The following BDNF variants were observed in gnomAD, a reference collection of about 807,000 sequenced individuals.
BDNF encodes brain derived neurotrophic factor.
A neutral mutation model predicts 19.5 loss-of-function variants in BDNF; 1 was observed. That is an observed-to-expected ratio of 0.05 (90% CI 0.02 to 0.24). BDNF has a LOEUF of 0.24. Ranked by LOEUF, BDNF falls within the 10% of genes least tolerant of loss-of-function variation. The pLI is 1.00. For synonymous variants in BDNF, 100 were observed against 121.6 expected, an observed-to-expected ratio of 0.82 and a Z score of 1.17; for missense variants, 195 against 317.6, an observed-to-expected ratio of 0.61 and a Z score of 2.93.
At chr11:27,694,917 G>T (rs1858807805) in intron 1 of BDNF, among the ~76,000 whole-genome samples, 2 of 152,282 alleles carry the variant, frequency 1.3e-5, no homozygotes, top group South Asian at 4.1e-4. Context: ...ACATATCCAT[G>T]AAAATAATAA....
At chr11:27,659,654 CGCGCGTGT>C (rs1315355797) in intron 1 of BDNF, 15 of 744,500 alleles carry the variant, frequency 2.0e-5, no homozygotes, top group Non-Finnish European at 2.1e-5. Flanking sequence ...TGTGTGCGCG[CGCGCGTGT>C]GCGCGCGCTC....
chr11:27,674,655 T>G, intron 1 of BDNF: 1 of 985,418 alleles, frequency 1.0e-6, no homozygotes, highest in African/African-American at 1.7e-5. Context: ...TGCACCTATA[T>G]GGAAACATTC....
chr11:27,667,207 A>G (rs369728695), intron 1 of BDNF, among the ~76,000 whole-genome samples: 1 of 152,234 alleles, frequency 6.6e-6, no homozygotes, highest in East Asian at 1.9e-4. Context: ...CTTTACAGAC[A>G]AGCAAATGCT....
intron 1 of BDNF, among the ~76,000 whole-genome samples, chr11:27,713,449 C>T (rs1733884910): frequency 6.6e-6 from 1 of 152,206 alleles, no homozygotes; most frequent in African/African-American, 2.4e-5. Flanking sequence ...CACTGCAATG[C>T]CCTATCCCAA....
At chr11:27,674,965 T>G (rs1290693651) in intron 1 of BDNF, 1 of 869,756 alleles carries the variant, frequency 1.1e-6, no homozygotes, top group East Asian at 1.2e-4. Context: ...GTAAATAATT[T>G]GATTATCCAC....
chr11:27,690,197 CAT>C (rs1417473000), intron 1 of BDNF, among the ~76,000 whole-genome samples: 1 of 152,126 alleles, frequency 6.6e-6, no homozygotes, highest in African/African-American at 2.4e-5. Flanking sequence ...AAAAAATTCA[CAT>C]GTTTAAAGAA....
In BDNF at chr11:27,708,084, T is replaced by C. The variant is rs185921279; in HGVS notation, c.3+13328A>G. On this transcript the variant is annotated intron_variant, in intron 1 of 1. Transcript: ENST00000314915. ...AAAATGTTTAATATTGAGGATCTTT[T>C]ATTTCATAGGCATGTTTTCCTGAAG... 9.2e-5 allele frequency among the ~76,000 whole-genome samples: 14 copies of C among 152,346 alleles called. No individual in the cohort carries two copies. The East Asian group carries it at 2.7e-3, about 29-fold the overall frequency.
chr11:27,700,887 T>G, upstream of BDNF: 1 of 1,299,112 alleles, frequency 7.7e-7, no homozygotes, highest in Admixed American at 2.3e-5. Context: ...CTCGCTCCCC[T>G]AGCTTTCAAC....
chr11:27,686,469 G>A lies in BDNF; in HGVS notation c.-22+13695C>T, dbSNP rs542593915. ...TGTTAGCTGGTTATTTTGCCCATTA[G>A]TTGATGCAGTTTCTTCATAGTTTCA... On this transcript the variant is annotated intron_variant, in intron 1 of 1. Coordinates refer to ENST00000356660, the MANE Select transcript of BDNF (RefSeq NM_001709.5). 2.0e-5 allele frequency among the ~76,000 whole-genome samples: 3 copies of A among 152,274 alleles called. No homozygotes were observed. In the East Asian group the frequency reaches 5.8e-4, roughly 29 times the overall value.
intron 1 of BDNF, among the ~76,000 whole-genome samples, chr11:27,696,004 T>C (rs1440607091): frequency 2.0e-5 from 3 of 151,780 alleles, no homozygotes; most frequent in Non-Finnish European, 4.4e-5. Flanking sequence ...CATTTACCAC[T>C]CCCCCTCCTC....
intron 1 of BDNF, among the ~76,000 whole-genome samples, chr11:27,682,489 A>T (rs926264101): frequency 6.6e-5 from 10 of 151,818 alleles, no homozygotes; most frequent in African/African-American, 2.4e-4. Flanking sequence ...TACAGATGCC[A>T]TGGTGGTTTG....
At chr11:27,702,411 T>C (rs904434940), upstream of BDNF, among the ~76,000 whole-genome samples, 8 of 152,094 alleles carry the variant, frequency 5.3e-5, no homozygotes, top group Non-Finnish European at 8.8e-5. Context: ...CTCTTGGGGG[T>C]ACAACACTGG....
chr11:27,701,914 G>C (rs1014074935), upstream of BDNF, among the ~76,000 whole-genome samples: 2 of 152,090 alleles, frequency 1.3e-5, no homozygotes, highest in African/African-American at 4.8e-5. Flanking sequence ...ACCAGAGTGG[G>C]GGTAGGTGAT....
At chr11:27,719,551 C>A (rs962667026) in intron 1 of BDNF, 5 of 984,926 alleles carry the variant, frequency 5.1e-6, no homozygotes, top group Non-Finnish European at 6.0e-6. Flanking sequence ...GGGAGCGGAG[C>A]GCGGTCTCGG....
intron 1 of BDNF, chr11:27,699,718 C>T (rs1013186621): frequency 1.5e-6 from 2 of 1,375,000 alleles, no homozygotes; most frequent in Non-Finnish European, 1.9e-6. Context: ...CCCTCCCACT[C>T]CCCCCGCAAG....
At chr11:27,717,860 A>AGT (rs56730757) in intron 1 of BDNF, among the ~76,000 whole-genome samples, 7,956 of 147,506 alleles carry the variant, frequency 0.054, 242 homozygotes, top group African/African-American at 0.091. Context: ...TTACAAGTTG[A>AGT]GTGTGTGTGT....
Position 27,658,804 on chromosome 11 carries a change from G to A in BDNF, c.-21-219C>T. The A allele has an allele frequency of 7.0e-7, 1 of 1,429,842 alleles. No homozygotes were observed. Among genetic ancestry groups the A allele is most frequent in the Non-Finnish European group, 9.2e-7 (1 of 1,089,278 alleles). 88.6% of individuals were successfully genotyped at this position (1,429,842 alleles called of 1,614,324 possible). ...CAGAGACATGCAGTGTTTCCCCCAAGATCTAGCATATAAACCTGAGATTAG... is the reference window on the plus strand; with the variant it reads ...CAGAGACATGCAGTGTTTCCCCCAAAATCTAGCATATAAACCTGAGATTAG... On this transcript the variant is annotated intron_variant, in intron 1 of 1. Coordinates refer to ENST00000356660, the MANE Select transcript of BDNF (RefSeq NM_001709.5). This position sits in a 1 kb window ranked among gnomAD's most constrained non-coding sequence, Gnocchi z 5.7.
upstream of BDNF, among the ~76,000 whole-genome samples, chr11:27,703,521 C>CT (rs1197707068): frequency 1.3e-4 from 20 of 152,318 alleles, no homozygotes; most frequent in East Asian, 1.5e-3. Flanking sequence ...TATGGCAAAT[C>CT]TTTTTTCTGC....
chr11:27,697,254 T>G (rs1859199536), intron 1 of BDNF, among the ~76,000 whole-genome samples: 1 of 152,008 alleles, frequency 6.6e-6, no homozygotes, highest in African/African-American at 2.4e-5. Context: ...TCTGCTATAC[T>G]ATCAGGTGGG....
Sources: allele counts gnomAD v4.1 joint callset (sites outside exome capture counted in the v4.1 genomes callset), GRCh38; gene constraint gnomAD v4.1.1; non-coding constraint Gnocchi (gnomAD v3.1); transcripts MANE v1.5; gene names NCBI Gene and HGNC (gene_info 2026-07-23, HGNC 2026-07-21).